The following CACUL1 variants were observed in gnomAD, a reference collection of about 807,000 sequenced individuals.
The protein encoded by CACUL1 is CDK2-associated and cullin domain-containing protein 1.
In CACUL1, 13 loss-of-function variants were observed where a neutral mutation model predicts 45.2. The ratio of observed to expected loss-of-function variants is 0.29; its 90% CI spans 0.19 to 0.46. The LOEUF is 0.46. Among genes scored for constraint, CACUL1 ranks in the 20% least tolerant of loss-of-function variants. CACUL1 has a pLI of 1.00. For synonymous variants in CACUL1, 197 were observed against 174.2 expected, an observed-to-expected ratio of 1.13 and a Z score of -1.03; for missense variants, 421 against 471.4, an observed-to-expected ratio of 0.89 and a Z score of 0.99.
intron 4 of CACUL1, among the ~76,000 whole-genome samples, chr10:118,703,409 AAC>A (rs1491060796): frequency 6.6e-6 from 1 of 152,156 alleles, no homozygotes; most frequent in Non-Finnish European, 1.5e-5. Flanking sequence ...TCTCTAAAAA[AAC>A]AGAGTTGTGT....
At chr10:118,705,692 CAT>C (rs1845426418) in intron 4 of CACUL1, among the ~76,000 whole-genome samples, 1 of 152,128 alleles carries the variant, frequency 6.6e-6, no homozygotes, top group African/African-American at 2.4e-5. Context: ...TCTTGATATT[CAT>C]ATAGACAGAC....
Position 118,677,456 on chromosome 10 carries a change from A to C in CACUL1, c.*8672T>G, listed in dbSNP as rs1845109311. 1 of 152,176 alleles carries C rather than the reference A, an allele frequency of 6.6e-6. No homozygotes were observed. The highest frequency in any genetic ancestry group is 2.4e-5 in the African/African-American group (1 of 41,442). The allele number at this position is 152,176 out of a possible 1,614,324, so 9.4% of individuals were successfully genotyped here. ...AACGTTCATATTATGAAGTGCTTCC[A>C]AGTCCCCGTTCTCCCCTCTGTTCTC... On this transcript the variant is annotated 3_prime_UTR_variant, in exon 9 of 9. Transcript: ENST00000369151.
At position 118,685,988 on chromosome 10, in the gene CACUL1, A is replaced by G; in HGVS notation, c.*140T>C. The stretch of plus-strand genomic sequence containing the variant: ...TTTGTTTTAAAATTACAAACCAAGT[A>G]AGAAGTCCAACATCCTCTTCCATGA... On this transcript the variant is annotated 3_prime_UTR_variant, in exon 9 of 9. Coordinates refer to ENST00000369151, the MANE Select transcript of CACUL1 (RefSeq NM_153810.5). 2.0e-6 allele frequency: 1 copy of G among 500,504 alleles called. No homozygotes were observed. Among genetic ancestry groups the G allele is most frequent in the Non-Finnish European group, 3.6e-6 (1 of 279,100 alleles). 31.0% of individuals were successfully genotyped at this position (500,504 alleles called of 1,614,324 possible).
chr10:118,710,809 T>C (rs1385016285), intron 3 of CACUL1, among the ~76,000 whole-genome samples: 6 of 152,232 alleles, frequency 3.9e-5, no homozygotes, highest in Non-Finnish European at 5.9e-5. Context: ...ATCTAAACTT[T>C]GACTCTAAAT....
intron 1 of CACUL1, among the ~76,000 whole-genome samples, chr10:118,752,395 A>C (rs898307207): frequency 5.3e-5 from 8 of 152,186 alleles, no homozygotes; most frequent in Non-Finnish European, 1.2e-4. Context: ...ATTTCAGGGC[A>C]CCAATTGAGA....
chr10:118,707,428 C>T (rs532972655), intron 4 of CACUL1, 64 bp downstream of exon 4: 99 of 741,386 alleles, frequency 1.3e-4, no homozygotes, highest in Non-Finnish European at 2.1e-4. Context: ...TAACTCTCTG[C>T]ATCTATTTGT....
intron 6 of CACUL1, among the ~76,000 whole-genome samples, chr10:118,691,965 G>A (rs1845275626): frequency 6.6e-6 from 1 of 151,830 alleles, no homozygotes; most frequent in East Asian, 1.9e-4. Context: ...AAACCCCTAG[G>A]GAATTTTTGA....
chr10:118,687,039 A>C (rs761373911), intron 7 of CACUL1, among the ~76,000 whole-genome samples: 2 of 152,196 alleles, frequency 1.3e-5, no homozygotes, highest in Non-Finnish European at 2.9e-5. Flanking sequence ...CTCAGCATTT[A>C]TAAGTTGATT....
At chr10:118,692,113 C>G (rs188693969) in intron 6 of CACUL1, among the ~76,000 whole-genome samples, 9 of 151,876 alleles carry the variant, frequency 5.9e-5, no homozygotes, top group Non-Finnish European at 1.2e-4. Flanking sequence ...AAGAATAGAA[C>G]AGTACAAATA....
rs1043962199 is a variant in CACUL1 at position 118,685,643 on chromosome 10, G to A, written c.*485C>T. The A allele has an allele frequency of 6.6e-6, 1 of 152,600 alleles. No individual in the cohort carries two copies. The highest frequency in any genetic ancestry group is 1.5e-5 in the Non-Finnish European group (1 of 68,170). 9.5% of individuals were successfully genotyped at this position (152,600 alleles called of 1,614,324 possible). ...TAAACAAAGACCAACTCTTTTAAAAGGGGTTGTTTTGGTTGTGGGTGAAAA... is the reference window on the plus strand; with the variant it reads ...TAAACAAAGACCAACTCTTTTAAAAAGGGTTGTTTTGGTTGTGGGTGAAAA... On this transcript the variant is annotated 3_prime_UTR_variant, in exon 9 of 9. Transcript: ENST00000369151.
At chr10:118,738,538 A>C (rs1845761472) in intron 1 of CACUL1, among the ~76,000 whole-genome samples, 1 of 148,184 alleles carries the variant, frequency 6.7e-6, no homozygotes, top group South Asian at 2.1e-4. Context: ...TAGAGAAACT[A>C]AACAGTCCCA....
intron 3 of CACUL1, among the ~76,000 whole-genome samples, chr10:118,725,605 A>G (rs1845644784): frequency 1.3e-5 from 2 of 152,258 alleles, no homozygotes; most frequent in Admixed American, 6.5e-5. Flanking sequence ...GCAGTGAAAT[A>G]TAATAGTAAG....
chr10:118,741,463 CAG>C (rs1394232360), intron 1 of CACUL1, among the ~76,000 whole-genome samples: 2 of 149,208 alleles, frequency 1.3e-5, no homozygotes, highest in African/African-American at 2.6e-5. Flanking sequence ...AAGAGACAGA[CAG>C]ACACACACAC....
At chr10:118,748,819 T>G (rs1325748041) in intron 1 of CACUL1, among the ~76,000 whole-genome samples, 1 of 152,008 alleles carries the variant, frequency 6.6e-6, no homozygotes, top group Non-Finnish European at 1.5e-5. Flanking sequence ...AAAATCAAAT[T>G]CCACACCAGA....
At chr10:118,701,614 T>C (rs1160434775) in intron 4 of CACUL1, among the ~76,000 whole-genome samples, 1 of 152,198 alleles carries the variant, frequency 6.6e-6, no homozygotes, top group African/African-American at 2.4e-5. Flanking sequence ...TGTTTTGAAC[T>C]ATACATCTTC....
intron 4 of CACUL1, among the ~76,000 whole-genome samples, chr10:118,706,630 T>G (rs1589606950): frequency 6.6e-6 from 1 of 152,350 alleles, no homozygotes; most frequent in Non-Finnish European, 1.5e-5. Context: ...AAAAGGCTTT[T>G]TATACATTTC....
Position 118,698,550 on chromosome 10 carries a change from G to A in CACUL1, c.796+2756C>T, listed in dbSNP as rs146465226. 4.0e-3 allele frequency among the ~76,000 whole-genome samples: 614 copies of A among 152,244 alleles called. 7 individuals carry two copies. The highest frequency in any genetic ancestry group is 0.014 in the African/African-American group (594 of 41,546). Reference sequence around the variant, plus strand: ...AAAGTGGCACTGTGCCAGTTTCTGAGCCGAGGACCTAAGATACCAGCAATT... The same window carrying A: ...AAAGTGGCACTGTGCCAGTTTCTGAACCGAGGACCTAAGATACCAGCAATT... On this transcript the variant is annotated intron_variant, in intron 5 of 8. Transcript: ENST00000369151.
chr10:118,724,126 T>C (rs1418026196), intron 3 of CACUL1, among the ~76,000 whole-genome samples: 1 of 152,202 alleles, frequency 6.6e-6, no homozygotes. Context: ...GGCTAGTCTT[T>C]ATTTTTTTAT....
chr10:118,679,681 G>A lies in CACUL1; in HGVS notation c.*6447C>T, dbSNP rs1845134039. The A allele has an allele frequency of 6.6e-6, 1 of 150,496 alleles. No homozygotes were observed. 9.3% of individuals were successfully genotyped at this position (150,496 alleles called of 1,614,324 possible). On this transcript the variant is annotated 3_prime_UTR_variant, in exon 9 of 9. Coordinates refer to ENST00000369151, the MANE Select transcript of CACUL1 (RefSeq NM_153810.5). ...TTACAGTCGTGTACCCCCACGCCCA[G>A]CTAATTTTTGTATTTTCAGTAGAGA...
Sources: allele counts gnomAD v4.1 joint callset (sites outside exome capture counted in the v4.1 genomes callset), GRCh38; gene constraint gnomAD v4.1.1; transcripts MANE v1.5; gene names NCBI Gene and HGNC (gene_info 2026-07-23, HGNC 2026-07-21).